SYTL3: variants seen among roughly 807,000 people sequenced by gnomAD.
The protein encoded by SYTL3 is synaptotagmin like 3, also known as synaptotagmin-like protein 3.
SYTL3 carries 88 observed loss-of-function variants against 82.1 expected under a neutral mutation model. The observed-to-expected ratio is 1.07, with a 90% CI of 0.90 to 1.28. The LOEUF (loss-of-function observed/expected upper bound fraction) is 1.28, where lower values mean the gene tolerates loss of function less well. Ranked by LOEUF, SYTL3 falls within the 50% of genes most tolerant of loss-of-function variation. The probability of loss-of-function intolerance (pLI) is 0.00; values close to 1 mark genes in which losing one functional copy is unlikely to be tolerated. For synonymous variants in SYTL3, 311 were observed against 289.4 expected (o/e 1.07, Z -0.76); for missense variants, 831 against 757.6 (o/e 1.10, Z -1.14).
chr6:158,703,034 G>A (rs1476267904), intron 6 of SYTL3, among the ~76,000 whole-genome samples: 11 of 151,462 alleles, frequency 7.3e-5, no homozygotes, highest in African/African-American at 2.7e-4. Flanking sequence ...GGCGCCTGTA[G>A]TTCCAGCTAC....
intron 2 of SYTL3, among the ~76,000 whole-genome samples, chr6:158,655,081 G>C (rs1392473414): frequency 1.3e-5 from 2 of 152,156 alleles, no homozygotes; most frequent in Admixed American, 1.3e-4. Context: ...TGGAGTGACC[G>C]AATAAATGTC....
At position 158,763,468 on chromosome 6, in the gene SYTL3, G is replaced by A. The variant is rs1230751701; in HGVS notation, c.1682G>A (p.Gly561Glu). The A allele has an allele frequency of 6.2e-7, 1 of 1,614,202 alleles. No homozygotes were observed. The highest frequency in any genetic ancestry group is 8.5e-7 in the Non-Finnish European group (1 of 1,180,034). Residue 561 changes from glycine (G) to glutamate (E), a missense_variant, in exon 17 of 18, where the codon GGA becomes GAA. By Grantham distance (98) the Gly-to-Glu change is moderately conservative. Transcript: ENST00000611299. ...ELTVWDQALFGMNDRLLGGTR... is the reference protein window; with the variant it reads ...ELTVWDQALFEMNDRLLGGTR... ...ACTGTCTGGGATCAGGCCCTCTTTG[G>A]AATGAACGACCGCTTGCTTGGAGGA... is the stretch of plus-strand genomic sequence containing the variant.
At chr6:158,701,229 T>TCTAGGG (rs1247491011) in intron 6 of SYTL3, among the ~76,000 whole-genome samples, 59 of 39,916 alleles carry the variant, frequency 1.5e-3, no homozygotes, top group Middle Eastern at 0.017. Flanking sequence ...TGAAGGAGTG[T>TCTAGGG]GAGCTGGGGT....
chr6:158,760,269 A>G (rs1011391417), intron 14 of SYTL3, among the ~76,000 whole-genome samples: 2 of 151,796 alleles, frequency 1.3e-5, no homozygotes, highest in African/African-American at 4.8e-5. Context: ...ATCTCTACTG[A>G]CCTGGGTGGG....
At chr6:158,746,862 C>T (rs774450338) in intron 12 of SYTL3, among the ~76,000 whole-genome samples, 1 of 151,858 alleles carries the variant, frequency 6.6e-6, no homozygotes, top group Non-Finnish European at 1.5e-5. Flanking sequence ...CTATGTTGCT[C>T]AACCTGATCT....
intron 16 of SYTL3, among the ~76,000 whole-genome samples, chr6:158,762,452 A>G (rs546696872): frequency 6.6e-6 from 1 of 152,192 alleles, no homozygotes; most frequent in East Asian, 1.9e-4. Flanking sequence ...GTGGTCAGTA[A>G]ATATTTCCTA....
At chr6:158,753,170 C>T (rs888929482) in intron 13 of SYTL3, among the ~76,000 whole-genome samples, 10 of 149,634 alleles carry the variant, frequency 6.7e-5, no homozygotes, top group African/African-American at 2.5e-4. Context: ...CAACCTCCAC[C>T]TCCCAGGTTC....
At chr6:158,703,146 T>C (rs1307535407) in intron 6 of SYTL3, among the ~76,000 whole-genome samples, 1 of 120,208 alleles carries the variant, frequency 8.3e-6, no homozygotes, top group Non-Finnish European at 1.7e-5. Flanking sequence ...AGAGCAAGAC[T>C]CTGTCTTAAA....
chr6:158,755,257 C>A (rs553910674), intron 13 of SYTL3, among the ~76,000 whole-genome samples: 89 of 152,236 alleles, frequency 5.8e-4, no homozygotes, highest in African/African-American at 2.1e-3. Context: ...GTGGGAGGAT[C>A]GCTTGAGCCT....
At chr6:158,683,123 G>T in intron 6 of SYTL3, 134 bp downstream of exon 6, 1 of 611,930 alleles carries the variant, frequency 1.6e-6, no homozygotes, top group Non-Finnish European at 3.0e-6. Flanking sequence ...CATTCCATTT[G>T]CTGATGCTCT....
chr6:158,667,174 A>G (rs1360096910), intron 5 of SYTL3, among the ~76,000 whole-genome samples: 1 of 152,216 alleles, frequency 6.6e-6, no homozygotes, highest in Non-Finnish European at 1.5e-5. Flanking sequence ...AATGAACTGT[A>G]AACGAAAAAT....
In SYTL3 at chr6:158,730,488, G is replaced by A. The variant is rs776926319; in HGVS notation, c.855+4851G>A. 9.7e-4 allele frequency among the ~76,000 whole-genome samples: 148 copies of A among 152,334 alleles called. 1 individual carries two copies. Among genetic ancestry groups the A allele is most frequent in the African/African-American group, 3.4e-3 (143 of 41,560 alleles). The stretch of plus-strand genomic sequence containing the variant: ...TTTACTTATAACAAAATGGTGGCCC[G>A]TACGGGGATACACTCCTCCAGGGGC... On this transcript the variant is annotated intron_variant, in intron 11 of 17. Transcript: ENST00000611299.
chr6:158,722,281 AC>A lies in SYTL3; in HGVS notation c.721-3217del, dbSNP rs201560470. 6.4e-3 allele frequency among the ~76,000 whole-genome samples: 976 copies of A among 151,788 alleles called. 8 individuals are homozygous for A. The highest frequency in any genetic ancestry group is 0.022 in the African/African-American group (907 of 41,360). On this transcript the variant is annotated intron_variant, in intron 10 of 17. Coordinates refer to ENST00000611299, the MANE Select transcript of SYTL3 (RefSeq NM_001242394.2). Reference sequence around the variant, plus strand: ...GCTCAGGTGATCCTCCCACTTCAGCACCCCCGAGTAGCTGGGACTACAGGAG... The same window carrying A: ...GCTCAGGTGATCCTCCCACTTCAGCACCCCGAGTAGCTGGGACTACAGGAG...
Position 158,668,332 on chromosome 6 carries a change from G to A in SYTL3, c.329+2719G>A, listed in dbSNP as rs181233667. ...GCAACCTCTGCCTCCAGGTTCAAGC[G>A]ATTCTCCTGCCTCAGCCTCCCAAGT... is the stretch of plus-strand genomic sequence containing the variant. On this transcript the variant is annotated intron_variant, in intron 5 of 17. Transcript: ENST00000611299. 7.5e-4 allele frequency among the ~76,000 whole-genome samples: 114 copies of A among 152,254 alleles called. 1 individual carries two copies. The Middle Eastern group carries it at 0.01, about 14-fold the overall frequency.
chr6:158,646,018 G>A (rs892949898), upstream of SYTL3, among the ~76,000 whole-genome samples: 6 of 152,164 alleles, frequency 3.9e-5, no homozygotes, highest in Non-Finnish European at 7.4e-5. Flanking sequence ...TTGATGGTGT[G>A]TCTCCATTTA....
At chr6:158,676,587 G>A (rs1319302501) in intron 5 of SYTL3, among the ~76,000 whole-genome samples, 1 of 152,036 alleles carries the variant, frequency 6.6e-6, no homozygotes, top group Admixed American at 6.6e-5. Context: ...CTTCTGCACA[G>A]CAAAAGAAAC....
intron 12 of SYTL3, 142 bp from the exon 13 acceptor site, chr6:158,751,786 A>T: frequency 1.7e-6 from 1 of 602,754 alleles, no homozygotes; most frequent in African/African-American, 1.9e-5. Flanking sequence ...TTAGGCTATT[A>T]AGTCCTTTCT....
rs550354616 is a variant in SYTL3 at position 158,671,802 on chromosome 6, AATT to A, written c.329+6195_329+6197del. Among the ~76,000 whole-genome samples, 20 of 151,650 alleles carry A rather than the reference AATT, an allele frequency of 1.3e-4. No individual in the cohort carries two copies. In the South Asian group the frequency reaches 4.0e-3, roughly 30 times the overall value. ...CATTTTGAAACCTCTATATTTTTATAATTATTATCTATATGTTATACAGCATCT... is the reference window on the plus strand; with the variant it reads ...CATTTTGAAACCTCTATATTTTTATAATTATCTATATGTTATACAGCATCT... On this transcript the variant is annotated intron_variant, in intron 5 of 17. Transcript: ENST00000611299.
At chr6:158,724,072 G>A (rs139219941) in intron 10 of SYTL3, among the ~76,000 whole-genome samples, 114 of 152,304 alleles carry the variant, frequency 7.5e-4, no homozygotes, top group Admixed American at 5.6e-3. Flanking sequence ...AGAGGCCTGC[G>A]TGCTGGAGAA....
Sources: allele counts gnomAD v4.1 joint callset (sites outside exome capture counted in the v4.1 genomes callset), GRCh38; gene constraint gnomAD v4.1.1; transcripts MANE v1.5; gene names NCBI Gene and HGNC (gene_info 2026-07-23, HGNC 2026-07-21).